The following NPAT variants were observed in gnomAD, a reference collection of about 807,000 sequenced individuals.
NPAT encodes nuclear protein, coactivator of histone transcription.
NPAT carries 52 observed loss-of-function variants against 130.7 expected under a neutral mutation model. That is an observed-to-expected ratio of 0.40 (90% CI 0.32 to 0.50). The LOEUF (loss-of-function observed/expected upper bound fraction) is 0.50. NPAT is among the 20% of genes least tolerant of loss of function. The pLI is 0.68. For synonymous variants in NPAT, 580 were observed against 584.8 expected (o/e 0.99, Z 0.12); for missense variants, 1,687 against 1,662.6 (o/e 1.01, Z -0.26).
At chr11:108,219,644 A>C (rs565383355) in intron 1 of NPAT, among the ~76,000 whole-genome samples, 2 of 152,326 alleles carry the variant, frequency 1.3e-5, no homozygotes, top group East Asian at 3.9e-4. Context: ...TCAAATTGGG[A>C]AGATGAAAAA....
At chr11:108,212,571 G>T (rs2078394320) in intron 1 of NPAT, among the ~76,000 whole-genome samples, 1 of 148,374 alleles carries the variant, frequency 6.7e-6, no homozygotes, top group Non-Finnish European at 1.5e-5. Context: ...AAAAAATCAA[G>T]ATTACCCCTA....
intron 10 of NPAT, among the ~76,000 whole-genome samples, chr11:108,178,240 C>T (rs2078026967): frequency 1.3e-5 from 2 of 152,098 alleles, no homozygotes. Flanking sequence ...TGGAGGTGAG[C>T]TTGTCAACTA....
At chr11:108,187,692 A>T (rs2078121224) in intron 7 of NPAT, among the ~76,000 whole-genome samples, 1 of 152,192 alleles carries the variant, frequency 6.6e-6, no homozygotes, top group Admixed American at 6.5e-5. Context: ...TTTGGGAAAA[A>T]CACTTTTCTC....
intron 10 of NPAT, among the ~76,000 whole-genome samples, chr11:108,182,417 C>T (rs931393231): frequency 1.3e-5 from 2 of 152,196 alleles, no homozygotes; most frequent in African/African-American, 4.8e-5. Flanking sequence ...GACTTTCAGA[C>T]GTCCTGGTGC....
At chr11:108,208,434 A>G in intron 1 of NPAT, 1 of 456,018 alleles carries the variant, frequency 2.2e-6, no homozygotes, top group Non-Finnish European at 4.4e-6. Context: ...TATGGTTTTT[A>G]GAAATTAGCT....
At chr11:108,192,816 T>C (rs1030584435) in intron 3 of NPAT, among the ~76,000 whole-genome samples, 3 of 152,098 alleles carry the variant, frequency 2.0e-5, no homozygotes, top group Non-Finnish European at 4.4e-5. Context: ...TAGCTGGGCA[T>C]GGTGGCGTGC....
intron 15 of NPAT, among the ~76,000 whole-genome samples, chr11:108,168,271 T>G (rs1463688231): frequency 1.3e-5 from 2 of 152,164 alleles, no homozygotes; most frequent in Non-Finnish European, 2.9e-5. Context: ...CTCATATCAT[T>G]GCATGTCACA....
At chr11:108,190,312 C>CAAAAAAAAAAAAAAAAAAAAA (rs71047681) in intron 5 of NPAT, 148 bp downstream of exon 5, 2 of 342,726 alleles carry the variant, frequency 5.8e-6, no homozygotes, top group African/African-American at 4.0e-5. Flanking sequence ...GACACTGTCT[C>CAAAAAAAAAAAAAAAAAAAAA]AAAAAAAAAA....
At position 108,158,704 on chromosome 11, in the gene NPAT, G is replaced by A. The variant is rs1476884448; in HGVS notation, c.*238C>T. 4.5e-6 allele frequency: 2 copies of A among 440,672 alleles called. No individual in the cohort carries two copies. The highest frequency in any genetic ancestry group is 4.6e-5 in the East Asian group (1 of 21,800). The allele number at this position is 440,672 out of a possible 1,614,324, so 27.3% of individuals were successfully genotyped here. A position where few individuals can be genotyped will look rare whatever the true frequency, so the allele number is the denominator to read the frequency against. The stretch of plus-strand genomic sequence containing the variant: ...GGAATTGTCAAAGCTATACAGTTTT[G>A]CAGATTGGCTTTACTTACATTTCTG... On this transcript the variant is annotated 3_prime_UTR_variant, in exon 18 of 18. Transcript: ENST00000278612.
At chr11:108,162,064 T>C (rs1190937152) in intron 16 of NPAT, 50 bp from the exon 17 acceptor site, 4 of 1,612,290 alleles carry the variant, frequency 2.5e-6, no homozygotes, top group Non-Finnish European at 3.4e-6. Context: ...AGAAATCCTT[T>C]ATGTTTTAAA....
At chr11:108,219,502 C>A (rs938000683) in intron 1 of NPAT, among the ~76,000 whole-genome samples, 2 of 152,164 alleles carry the variant, frequency 1.3e-5, no homozygotes, top group Middle Eastern at 3.2e-3. Flanking sequence ...TGCATGCTGT[C>A]TCATACAGAA....
intron 1 of NPAT, among the ~76,000 whole-genome samples, chr11:108,216,493 G>A (rs1258414395): frequency 2.0e-5 from 3 of 151,252 alleles, no homozygotes; most frequent in Non-Finnish European, 4.4e-5. Context: ...TTAAACTTTC[G>A]TGTGGGGAGG....
rs1412261400 is a variant in NPAT, at chr11:108,161,080, TTAA to T, written c.4003_4005del (p.Leu1335del). ...GAAATGGCTGCCCTGGAGAGAATCA[TTAA>T]TGTGTGGGCAGCCATATTTACACTG... On this transcript the variant is annotated inframe_deletion, in exon 17 of 18. Transcript: ENST00000278612. The T allele has an allele frequency of 6.2e-7, 1 of 1,614,044 alleles. No individual in the cohort carries two copies. The highest frequency in any genetic ancestry group is 8.5e-7 in the Non-Finnish European group (1 of 1,180,034).
In NPAT at chr11:108,173,802, G is replaced by T. The variant is rs2077979246; in HGVS notation, c.1182C>A (p.Asp394Glu). Residue 394 changes from aspartate to glutamate, a missense_variant, in exon 13 of 18, where the codon GAC (aspartate) becomes GAA (glutamate). Asp to Glu is a conservative substitution (Grantham distance 45, BLOSUM62 2). Transcript: ENST00000278612. ...PAFCTSYQND[D>E]PLNALKNSNN... is the part of the protein sequence containing the mutation. ...TGCTATTCTTCAAAGCATTTAATGG[G>T]TCATCATTCTGATAGGATGTACAAA... 2 of 1,614,086 alleles carry T rather than the reference G, an allele frequency of 1.2e-6. No individual in the cohort carries two copies. The highest frequency in any genetic ancestry group is 4.5e-5 in the East Asian group (2 of 44,874).
intron 17 of NPAT, among the ~76,000 whole-genome samples, chr11:108,159,648 C>A (rs756946433): frequency 6.6e-6 from 1 of 152,044 alleles, no homozygotes; most frequent in Non-Finnish European, 1.5e-5. Context: ...CTAACCAAAT[C>A]GAAAATAAAT....
At chr11:108,199,956 A>G (rs1198549291) in intron 1 of NPAT, among the ~76,000 whole-genome samples, 1 of 152,176 alleles carries the variant, frequency 6.6e-6, no homozygotes, top group African/African-American at 2.4e-5. Context: ...TGCAAACCAC[A>G]GTGATAATAT....
intron 10 of NPAT, among the ~76,000 whole-genome samples, chr11:108,181,916 A>G (rs2078061939): frequency 6.6e-6 from 1 of 152,166 alleles, no homozygotes; most frequent in African/African-American, 2.4e-5. Context: ...AAAAGCTTGA[A>G]GTTTATCCAT....
chr11:108,172,523 C>G lies in NPAT; in HGVS notation c.2461G>C (p.Asp821His), dbSNP rs2077961896. The G allele has an allele frequency of 6.2e-7, 1 of 1,614,074 alleles. No individual in the cohort carries two copies. The highest frequency in any genetic ancestry group is 1.3e-5 in the African/African-American group (1 of 74,922). The change falls in exon 13 of 18, where the codon GAC becomes CAC. Residue 821 changes from aspartate (D) to histidine (H), a missense_variant. Asp to His is a moderately conservative substitution (Grantham distance 81). Around this residue, in one of 3 missense-constraint regions of NPAT, gnomAD observed 1,379 missense variants for 1,346.6 expected, o/e 1.02. Transcript: ENST00000278612. ...TTCTGAGTATTGTTTACTGCAGAGTCTTCAGATTTGAATGTTAAAAGACTC... is the reference window on the plus strand; with the variant it reads ...TTCTGAGTATTGTTTACTGCAGAGTGTTCAGATTTGAATGTTAAAAGACTC... ...EQSLLTFKSE[D>H]SAVNNTQNED...
chr11:108,161,784 G>C lies in NPAT; in HGVS notation c.3302C>G (p.Pro1101Arg). The C allele has an allele frequency of 6.2e-7, 1 of 1,613,844 alleles. No individual in the cohort carries two copies. The stretch of plus-strand genomic sequence containing the variant: ...GGGTTTTAAGGTGGAGGACACATTG[G>C]GTGAGTCAAGATTAGGAAAAGAGAC... ...NAVSFPNLDS[P>R]NVSSTLKPPS... Residue 1101 changes from proline to arginine, a missense_variant, in exon 17 of 18, where the codon CCC (proline) becomes CGC (arginine). Pro to Arg is a moderately radical substitution (Grantham distance 103). This residue lies in a region of NPAT where 1,379 missense variants were observed against 1,346.6 expected (regional missense o/e 1.02). Transcript: ENST00000278612.
Sources: gnomAD v4.1 joint callset for allele counts (sites outside exome capture counted in the v4.1 genomes callset) on GRCh38, gnomAD v4.1.1 for gene constraint, gnomAD v4.1.1 regional missense constraint, MANE v1.5 for transcripts, NCBI Gene and HGNC (gene_info 2026-07-23, HGNC 2026-07-21) for gene names.